LRRC7: variants seen among roughly 807,000 people sequenced by gnomAD.
LRRC7 encodes leucine-rich repeat-containing protein 7.
In LRRC7, 23 loss-of-function variants were observed where a neutral mutation model predicts 175.7. That is an observed-to-expected ratio of 0.13 (90% CI 0.09 to 0.19). The LOEUF is 0.19. Ranked by LOEUF, LRRC7 falls within the 10% of genes least tolerant of loss-of-function variation. The pLI, the probability that LRRC7 is intolerant of heterozygous loss-of-function variation, is 1.00. For synonymous variants in LRRC7, 685 were observed against 680.9 expected (o/e 1.01, Z -0.09); for missense variants, 1,354 against 1,904.7 (o/e 0.71, Z 5.38).
rs1200351808 is a variant in LRRC7, at chr1:70,142,359, T to TATA, written c.*20475_*20477dup. The TATA allele has an allele frequency of 1.3e-5, 2 of 152,262 alleles. No individual in the cohort carries two copies. The highest frequency in any genetic ancestry group is 3.9e-4 in the East Asian group (2 of 5,180). The allele number at this position is 152,262 out of a possible 1,614,324, so 9.4% of individuals were successfully genotyped here. ...CAATGAATGCTTAATACTTCGGCTT[T>TATA]ATAATGTTTGGGCATTTCTCTTTAA... On this transcript the variant is annotated 3_prime_UTR_variant, in exon 27 of 27. Transcript: ENST00000651989.
rs1352979200 is a variant in LRRC7, at chr1:70,137,921, A to C, written c.*16034A>C. Among the ~76,000 whole-genome samples the C allele has an allele frequency of 6.6e-6, 1 of 152,234 alleles. No individual in the cohort carries two copies. The highest frequency in any genetic ancestry group is 1.5e-5 in the Non-Finnish European group (1 of 68,026). The stretch of plus-strand genomic sequence containing the variant: ...GAATATTAATAGTCCATATGGCTTT[A>C]TTTCCAACAAAATCCCAGAGTTTTT... On this transcript the variant is annotated 3_prime_UTR_variant, in exon 27 of 27. Transcript: ENST00000651989.
intron 9 of LRRC7, 26 bp downstream of exon 9, chr1:69,980,479 T>G (rs1204266081): frequency 6.7e-7 from 1 of 1,482,614 alleles, no homozygotes; most frequent in Admixed American, 1.8e-5. Context: ...TTCTACCATG[T>G]TGTTTAATAT....
chr1:69,801,016 G>A (rs1676417503), intron 4 of LRRC7, among the ~76,000 whole-genome samples: 2 of 151,570 alleles, frequency 1.3e-5, no homozygotes, highest in Non-Finnish European at 3.0e-5. Context: ...TTTTACTTTT[G>A]TTTATGTAAT....
intron 4 of LRRC7, among the ~76,000 whole-genome samples, chr1:69,809,623 C>G (rs184079902): frequency 6.6e-6 from 1 of 152,228 alleles, no homozygotes. Flanking sequence ...GTTCAACACA[C>G]GCAAATCAGC....
intron 7 of LRRC7, among the ~76,000 whole-genome samples, chr1:69,923,284 G>C (rs1646951609): frequency 6.6e-6 from 1 of 152,160 alleles, no homozygotes. Flanking sequence ...ACATACATGT[G>C]CATGTGTCTT....
chr1:69,819,309 T>C lies in LRRC7; in HGVS notation c.422-6439T>C, dbSNP rs900110658. Among the ~76,000 whole-genome samples, 8 of 152,256 alleles carry C rather than the reference T, an allele frequency of 5.3e-5. 1 individual carries two copies. The highest frequency in any genetic ancestry group is 5.2e-4 in the Admixed American group (8 of 15,266). On this transcript the variant is annotated intron_variant, in intron 4 of 26. Transcript: ENST00000651989. ...TCTTTTAATTTTCCTTTTGATTTCT[T>C]CTTTGACCTAATGGTTGCTCAGGAT...
At chr1:69,853,270 CTTTTT>C (rs1163071175) in intron 7 of LRRC7, among the ~76,000 whole-genome samples, 1 of 88,016 alleles carries the variant, frequency 1.1e-5, no homozygotes, top group African/African-American at 4.5e-5. Context: ...TCCTTTCTTT[CTTTTT>C]TTTTTTTTTT....
At chr1:69,978,754 A>C (rs1444697093) in intron 8 of LRRC7, among the ~76,000 whole-genome samples, 2 of 151,896 alleles carry the variant, frequency 1.3e-5, no homozygotes, top group African/African-American at 4.8e-5. Context: ...ATGTGTAGAT[A>C]ACCTCCAATG....
At chr1:69,645,282 TAATC>T (rs1308268163) in intron 1 of LRRC7, among the ~76,000 whole-genome samples, 1 of 152,052 alleles carries the variant, frequency 6.6e-6, no homozygotes, top group Non-Finnish European at 1.5e-5. Context: ...CAATATAAAA[TAATC>T]AATTGTATTT....
intron 7 of LRRC7, among the ~76,000 whole-genome samples, chr1:69,911,833 C>G (rs898655707): frequency 2.6e-5 from 4 of 151,784 alleles, no homozygotes; most frequent in African/African-American, 7.3e-5. Flanking sequence ...GGAGTTATGC[C>G]TATTTGATAC....
intron 2 of LRRC7, among the ~76,000 whole-genome samples, chr1:69,702,468 T>C (rs903529329): frequency 6.6e-6 from 1 of 152,180 alleles, no homozygotes; most frequent in African/African-American, 2.4e-5. Context: ...TCCTGCATCA[T>C]TGACCGCAAA....
rs1671782185 is a variant in LRRC7, at chr1:69,767,752, G to A, written c.303+7359G>A. On this transcript the variant is annotated intron_variant, in intron 3 of 26. Transcript: ENST00000651989. ...GCTGGATTTACAGACATGAGCCACC[G>A]TGCCTAGCCAATCCAGTATTTTGTT... Among the ~76,000 whole-genome samples the A allele has an allele frequency of 2.6e-5, 4 of 152,258 alleles. No individual in the cohort carries two copies. The South Asian group carries it at 6.2e-4, about 24-fold the overall frequency.
At chr1:69,641,703 G>C (rs1395313081) in intron 1 of LRRC7, among the ~76,000 whole-genome samples, 1 of 151,356 alleles carries the variant, frequency 6.6e-6, no homozygotes, top group Non-Finnish European at 1.5e-5. Context: ...TAATTTTGTA[G>C]CTATATTTTC....
chr1:69,862,177 A>G (rs1425165272), intron 7 of LRRC7, among the ~76,000 whole-genome samples: 2 of 152,160 alleles, frequency 1.3e-5, no homozygotes, highest in Non-Finnish European at 2.9e-5. Context: ...TTTATAACAT[A>G]AAAGAAACCA....
chr1:69,642,857 T>TAGA (rs71071370), intron 1 of LRRC7, among the ~76,000 whole-genome samples: 3 of 151,642 alleles, frequency 2.0e-5, no homozygotes, highest in African/African-American at 4.8e-5. Context: ...GATAGATAGA[T>TAGA]TATACGATTG....
intron 2 of LRRC7, among the ~76,000 whole-genome samples, chr1:69,723,866 C>A (rs560159838): frequency 6.6e-6 from 1 of 152,052 alleles, no homozygotes; most frequent in South Asian, 2.1e-4. Flanking sequence ...GACATTAATC[C>A]CATTTTTGAG....
intron 1 of LRRC7, among the ~76,000 whole-genome samples, chr1:69,639,446 T>C (rs1392425205): frequency 1.3e-5 from 2 of 151,878 alleles, no homozygotes; most frequent in East Asian, 3.9e-4. Flanking sequence ...CTCACAATTA[T>C]ACACCAGTAC....
intron 11 of LRRC7, among the ~76,000 whole-genome samples, chr1:69,996,659 C>T (rs1018183527): frequency 2.6e-5 from 4 of 152,026 alleles, no homozygotes; most frequent in Non-Finnish European, 5.9e-5. Flanking sequence ...ATAGGGAATC[C>T]TTTCCCCATT....
chr1:70,063,415 A>G (rs906921826), intron 23 of LRRC7, among the ~76,000 whole-genome samples: 2 of 152,082 alleles, frequency 1.3e-5, no homozygotes, highest in African/African-American at 4.8e-5. Flanking sequence ...TGAATATGTG[A>G]TGAGAAGTGA....
Sources: gnomAD v4.1 joint callset for allele counts (sites outside exome capture counted in the v4.1 genomes callset) on GRCh38, gnomAD v4.1.1 for gene constraint, MANE v1.5 for transcripts, NCBI Gene and HGNC (gene_info 2026-07-23, HGNC 2026-07-21) for gene names.